GULP1: variants seen among roughly 807,000 people sequenced by gnomAD.
GULP1 encodes PTB domain-containing engulfment adapter protein 1.
A neutral mutation model predicts 40.9 loss-of-function variants in GULP1; 19 were observed. That is an observed-to-expected ratio of 0.46 (90% CI 0.32 to 0.68). The LOEUF is 0.68. Among genes scored for constraint, GULP1 ranks in the 30% least tolerant of loss-of-function variants. The pLI is 0.03. For missense variants in GULP1, 312 were observed against 362.2 expected (o/e 0.86, Z 1.12); for synonymous variants, 119 against 117.6 (o/e 1.01, Z -0.08).
chr2:188,369,908 A>G (rs566638516), intron 1 of GULP1, among the ~76,000 whole-genome samples: 46 of 152,240 alleles, frequency 3.0e-4, no homozygotes, highest in African/African-American at 1.1e-3. Flanking sequence ...TGATGGTGCC[A>G]TCATGGCTCA....
chr2:188,299,662 T>C lies in GULP1; in HGVS notation c.-172+7496T>C, dbSNP rs548417294. ...GTGTGATTAGTAGGTGACAGAGACCTCCTCTTATTAACTTAAATAGAAGTT... is the reference window on the plus strand; with the variant it reads ...GTGTGATTAGTAGGTGACAGAGACCCCCTCTTATTAACTTAAATAGAAGTT... On this transcript the variant is annotated intron_variant, in intron 1 of 11. Coordinates refer to ENST00000409830, the MANE Select transcript of GULP1 (RefSeq NM_016315.4). Among the ~76,000 whole-genome samples the C allele has an allele frequency of 2.6e-5, 4 of 152,374 alleles. No individual in the cohort carries two copies. In the East Asian group the frequency reaches 7.7e-4, roughly 29 times the overall value.
intron 5 of GULP1, among the ~76,000 whole-genome samples, chr2:188,528,330 C>T (rs1479363056): frequency 6.6e-6 from 1 of 151,886 alleles, no homozygotes; most frequent in Non-Finnish European, 1.5e-5. Context: ...AGCTGGGCTC[C>T]TGAAATTTTC....
chr2:188,326,617 G>A (rs1001055079), intron 1 of GULP1, among the ~76,000 whole-genome samples: 1 of 152,058 alleles, frequency 6.6e-6, no homozygotes, highest in African/African-American at 2.4e-5. Flanking sequence ...AATCTATGTT[G>A]ACTATATTTG....
chr2:188,533,422 G>A lies in GULP1; in HGVS notation c.261+4227G>A, dbSNP rs1688080256. 2.0e-5 allele frequency among the ~76,000 whole-genome samples: 3 copies of A among 152,192 alleles called. No individual in the cohort carries two copies. The South Asian group carries it at 6.2e-4, about 31-fold the overall frequency. ...TAATTGGTGCTGGGATACCTGGCTAGCCATATGGAAGAGATTGAAACTGGA... is the reference window on the plus strand; with the variant it reads ...TAATTGGTGCTGGGATACCTGGCTAACCATATGGAAGAGATTGAAACTGGA... On this transcript the variant is annotated intron_variant, in intron 6 of 11. Transcript: ENST00000409830.
intron 7 of GULP1, among the ~76,000 whole-genome samples, chr2:188,549,416 CATTAGGGA>C (rs1692870791): frequency 6.6e-6 from 1 of 151,598 alleles, no homozygotes; most frequent in African/African-American, 2.4e-5. Flanking sequence ...CATTGGTGTC[CATTAGGGA>C]AATGCAAATT....
intron 7 of GULP1, among the ~76,000 whole-genome samples, chr2:188,546,773 T>C (rs1416664950): frequency 1.3e-5 from 2 of 151,958 alleles, no homozygotes; most frequent in African/African-American, 4.8e-5. Flanking sequence ...CCTGATTCTT[T>C]AAAAGATTAT....
intron 1 of GULP1, among the ~76,000 whole-genome samples, chr2:188,301,514 T>G (rs568078570): frequency 3.0e-4 from 45 of 152,020 alleles, no homozygotes; most frequent in African/African-American, 1.1e-3. Context: ...CTTATTCTTC[T>G]TTTCCCTGGT....
In GULP1 at chr2:188,525,543, C is replaced by A. The variant is rs565204814; in HGVS notation, c.162+2716C>A. Among the ~76,000 whole-genome samples, 5 of 152,138 alleles carry A rather than the reference C, an allele frequency of 3.3e-5. No homozygotes were observed. The East Asian group carries it at 9.6e-4, about 29-fold the overall frequency. On this transcript the variant is annotated intron_variant, in intron 5 of 11. Transcript: ENST00000409830. ...ATTTATATATATTTTATTAATACAACTAGTACAGATGTTGGGGGCTGAATG... is the reference window on the plus strand; with the variant it reads ...ATTTATATATATTTTATTAATACAAATAGTACAGATGTTGGGGGCTGAATG...
chr2:188,500,389 A>G (rs566129959), intron 4 of GULP1, among the ~76,000 whole-genome samples: 1 of 152,076 alleles, frequency 6.6e-6, no homozygotes, highest in South Asian at 2.1e-4. Context: ...TAGGAAGCTA[A>G]TGATAAGCCA....
intron 5 of GULP1, among the ~76,000 whole-genome samples, chr2:188,527,473 A>T (rs1686462161): frequency 6.6e-6 from 1 of 152,146 alleles, no homozygotes; most frequent in Non-Finnish European, 1.5e-5. Context: ...ATATAAGGAG[A>T]TTATGAAGGG....
At position 188,333,762 on chromosome 2, in the gene GULP1, G is replaced by C. The variant is rs576214173; in HGVS notation, c.-172+41596G>C. 3.9e-5 allele frequency among the ~76,000 whole-genome samples: 6 copies of C among 152,198 alleles called. No individual in the cohort carries two copies. The East Asian group carries it at 1.2e-3, about 29-fold the overall frequency. ...ACTACCACTCTGAATTTTGTTATGTGCTTTGCCCTCAAGCCTGTGAACAGC... is the reference window on the plus strand; with the variant it reads ...ACTACCACTCTGAATTTTGTTATGTCCTTTGCCCTCAAGCCTGTGAACAGC... On this transcript the variant is annotated intron_variant, in intron 1 of 11. Coordinates refer to ENST00000409830, the MANE Select transcript of GULP1 (RefSeq NM_016315.4).
At chr2:188,353,551 G>C (rs1031245382) in intron 1 of GULP1, among the ~76,000 whole-genome samples, 2 of 152,008 alleles carry the variant, frequency 1.3e-5, no homozygotes, top group African/African-American at 4.8e-5. Flanking sequence ...TGTAGTCACT[G>C]TGCCAGAGCT....
chr2:188,314,776 C>A (rs886748177), intron 1 of GULP1, among the ~76,000 whole-genome samples: 1 of 152,106 alleles, frequency 6.6e-6, no homozygotes, highest in South Asian at 2.1e-4. Context: ...ATGGAAAATT[C>A]CAGAAATAAA....
At chr2:188,322,302 T>G (rs79316002) in intron 1 of GULP1, among the ~76,000 whole-genome samples, 2 of 147,062 alleles carry the variant, frequency 1.4e-5, no homozygotes, top group African/African-American at 5.0e-5. Flanking sequence ...ATTTTAGAGC[T>G]TTTTTTTTTA....
chr2:188,514,348 A>G (rs1356278845), intron 4 of GULP1, among the ~76,000 whole-genome samples: 1 of 152,174 alleles, frequency 6.6e-6, no homozygotes, highest in East Asian at 1.9e-4. Flanking sequence ...TGTTGTTTAT[A>G]TCGGTTAGCC....
intron 1 of GULP1, among the ~76,000 whole-genome samples, chr2:188,356,363 C>CA (rs886428473): frequency 6.6e-6 from 1 of 151,978 alleles, no homozygotes; most frequent in Non-Finnish European, 1.5e-5. Context: ...AATCAGCACT[C>CA]AAAAAATCAG....
intron 10 of GULP1, among the ~76,000 whole-genome samples, chr2:188,586,146 G>GT (rs1250090578): frequency 6.6e-6 from 1 of 152,086 alleles, no homozygotes; most frequent in Non-Finnish European, 1.5e-5. Context: ...TTGCTGAAGT[G>GT]TAACAAGAGT....
At chr2:188,491,282 G>T (rs1041850598) in intron 4 of GULP1, among the ~76,000 whole-genome samples, 7 of 151,948 alleles carry the variant, frequency 4.6e-5, no homozygotes, top group African/African-American at 1.4e-4. Context: ...TTTCCAAAAA[G>T]TAAAAAACAT....
chr2:188,530,782 A>G (rs1356869508), intron 6 of GULP1, among the ~76,000 whole-genome samples: 1 of 152,206 alleles, frequency 6.6e-6, no homozygotes, highest in East Asian at 1.9e-4. Flanking sequence ...CTTAGTAAAC[A>G]AACACAGTAC....
Sources: gnomAD v4.1 joint callset for allele counts (sites outside exome capture counted in the v4.1 genomes callset) on GRCh38, gnomAD v4.1.1 for gene constraint, MANE v1.5 for transcripts, NCBI Gene and HGNC (gene_info 2026-07-23, HGNC 2026-07-21) for gene names.